The following HDAC9 variants were observed in gnomAD, a reference collection of about 807,000 sequenced individuals.
HDAC9 encodes the protein histone deacetylase 9.
In HDAC9, 41 loss-of-function variants were observed where a neutral mutation model predicts 139.4. The observed-to-expected ratio is 0.29, with a 90% CI of 0.23 to 0.38. The LOEUF (loss-of-function observed/expected upper bound fraction) is 0.38, where lower values mean the gene tolerates loss of function less well. HDAC9 is among the 10% of genes least tolerant of loss of function. The pLI, the probability that HDAC9 is intolerant of heterozygous loss-of-function variation, is 1.00. For missense variants in HDAC9, 1,147 were observed against 1,297.0 expected (o/e 0.88, Z 1.78); for synonymous variants, 517 against 476.2 (o/e 1.09, Z -1.12).
chr7:18,805,380 G>A (rs942368848), intron 17 of HDAC9, among the ~76,000 whole-genome samples: 5 of 152,170 alleles, frequency 3.3e-5, no homozygotes, highest in Non-Finnish European at 5.9e-5. Flanking sequence ...TGTAAAGATC[G>A]AGGAATACTC....
intron 2 of HDAC9, among the ~76,000 whole-genome samples, chr7:18,163,520 A>AT (rs1375262918): frequency 6.6e-6 from 1 of 152,098 alleles, no homozygotes; most frequent in African/African-American, 2.4e-5. Flanking sequence ...AGGAATTGTG[A>AT]TTTTTACAAG....
chr7:18,933,106 G>A (rs1052421833), intron 22 of HDAC9, among the ~76,000 whole-genome samples: 4 of 152,150 alleles, frequency 2.6e-5, no homozygotes, highest in African/African-American at 9.7e-5. Context: ...CAGTGTCTTA[G>A]TTCAGGCTGC....
Position 18,993,540 on chromosome 7 carries a change from C to G in HDAC9, c.3171-2483C>G, listed in dbSNP as rs577952136. ...ATTGAGGCTAGACATGGTGGCGTAC[C>G]CCTGTAGTCCCAGCATTTTGGAAGG... On this transcript the variant is annotated intron_variant, in intron 25 of 25. Transcript: ENST00000686413. Among the ~76,000 whole-genome samples the G allele has an allele frequency of 2.6e-5, 4 of 152,232 alleles. No homozygotes were observed. In the East Asian group the frequency reaches 7.7e-4, roughly 29 times the overall value.
At chr7:18,095,693 G>A (rs1782461059) in intron 1 of HDAC9, among the ~76,000 whole-genome samples, 1 of 152,134 alleles carries the variant, frequency 6.6e-6, no homozygotes, top group Admixed American at 6.6e-5. Flanking sequence ...AAATATGAAT[G>A]CTTTTGCTTA....
At chr7:18,910,830 CT>C (rs1802675969) in intron 22 of HDAC9, among the ~76,000 whole-genome samples, 1 of 151,742 alleles carries the variant, frequency 6.6e-6, no homozygotes, top group African/African-American at 2.4e-5. Context: ...TTTTAATATG[CT>C]TTTGTATTCA....
chr7:18,329,092 T>C (rs998177136), intron 1 of HDAC9, among the ~76,000 whole-genome samples: 1 of 151,776 alleles, frequency 6.6e-6, no homozygotes, highest in Admixed American at 6.6e-5. Context: ...TGTTGGTATA[T>C]AATAGTTTAT....
At chr7:18,427,975 A>G (rs145265457) in intron 1 of HDAC9, among the ~76,000 whole-genome samples, 4 of 152,246 alleles carry the variant, frequency 2.6e-5, no homozygotes, top group African/African-American at 4.8e-5. Flanking sequence ...TGTAAGTGGA[A>G]TCATGCAGTA....
At chr7:18,582,805 C>T (rs1286132241) in intron 2 of HDAC9, among the ~76,000 whole-genome samples, 1 of 152,098 alleles carries the variant, frequency 6.6e-6, no homozygotes, top group Non-Finnish European at 1.5e-5. Flanking sequence ...AAATATGTAA[C>T]ACTTCTTGAT....
At chr7:18,481,343 G>A (rs575266641) in intron 1 of HDAC9, among the ~76,000 whole-genome samples, 66 of 152,166 alleles carry the variant, frequency 4.3e-4, no homozygotes, top group Admixed American at 2.5e-3. Flanking sequence ...TCTCTGGAAC[G>A]CAATTATTGT....
In HDAC9 at chr7:18,835,910, G is replaced by T; in HGVS notation, c.2597G>T (p.Gly866Val). The T allele has an allele frequency of 6.4e-7, 1 of 1,556,130 alleles. No homozygotes were observed. Among genetic ancestry groups the T allele is most frequent in the Non-Finnish European group, 8.7e-7 (1 of 1,148,404 alleles). Residue 866 changes from glycine (G) to valine (V), a missense_variant, in exon 21 of 26, where the codon GGC (glycine) becomes GTC (valine). By Grantham distance (109) the Gly-to-Val change is moderately radical (BLOSUM62 -3). Coordinates refer to ENST00000686413, the MANE Select transcript of HDAC9 (RefSeq NM_178425.4). ...GSGAPNEVGT[G>V]LGEGYNINIA... Reference sequence around the variant, plus strand: ...TCTTTCTCTTCCCAGGTTGGAACAGGCCTTGGAGAAGGGTACAATATAAAT... The same window carrying T: ...TCTTTCTCTTCCCAGGTTGGAACAGTCCTTGGAGAAGGGTACAATATAAAT...
At chr7:18,227,490 AT>A (rs556655463) in intron 2 of HDAC9, among the ~76,000 whole-genome samples, 1,728 of 148,294 alleles carry the variant, frequency 0.012, 20 homozygotes, top group Non-Finnish European at 0.018. Context: ...TTGCACAGCA[AT>A]TTTTTTTTTT....
At chr7:18,422,934 C>A (rs1164776895) in intron 1 of HDAC9, among the ~76,000 whole-genome samples, 1 of 152,154 alleles carries the variant, frequency 6.6e-6, no homozygotes, top group East Asian at 1.9e-4. Context: ...CTTTCAATCT[C>A]ATAGTCCAAG....
rs777973786 is a variant in HDAC9, at chr7:18,087,467, A to G, written c.-97+254A>G. ...GCAGACCCTGACATTTGGCTAGGCA[A>G]ACTGAGGCGAGCGGTCGGTGGCGTG... On this transcript the variant is annotated intron_variant, in intron 1 of 12. Transcript: ENST00000417496. Among the ~76,000 whole-genome samples, 3 of 152,144 alleles carry G rather than the reference A, an allele frequency of 2.0e-5. 1 individual carries two copies. Among genetic ancestry groups the G allele is most frequent in the Admixed American group, 2.0e-4 (3 of 15,278 alleles).
At chr7:18,852,567 T>C (rs1797380661) in intron 21 of HDAC9, among the ~76,000 whole-genome samples, 1 of 152,212 alleles carries the variant, frequency 6.6e-6, no homozygotes, top group African/African-American at 2.4e-5. Flanking sequence ...CTTTGAAAAT[T>C]AAGATTCATT....
intron 2 of HDAC9, among the ~76,000 whole-genome samples, chr7:18,217,423 C>T (rs540203978): frequency 6.7e-6 from 1 of 149,988 alleles, no homozygotes; most frequent in African/African-American, 2.4e-5. Context: ...ATTTTTTCCT[C>T]TTGCTTTCCT....
chr7:18,829,080 G>T (rs763869956), intron 17 of HDAC9, 81 bp from the exon 18 acceptor site: 1 of 953,970 alleles, frequency 1.0e-6, no homozygotes, highest in African/African-American at 1.6e-5. Flanking sequence ...CTGAGGCACT[G>T]TTGTGCCTGG....
In HDAC9 at chr7:18,667,989, C is replaced by T. The variant is rs140676307; in HGVS notation, c.1731+1513C>T. On this transcript the variant is annotated intron_variant, in intron 12 of 25. Transcript: ENST00000686413. The stretch of plus-strand genomic sequence containing the variant: ...ATTAAAATATTTATATTTCTAAATC[C>T]GAGGTATTTCAAGGTGTAGTATCCT... 1.8e-3 allele frequency: 1,707 copies of T among 970,558 alleles called. 10 individuals are homozygous for T. Among genetic ancestry groups the T allele is most frequent in the Admixed American group, 9.6e-3 (155 of 16,194 alleles). 60.1% of individuals were successfully genotyped at this position (970,558 alleles called of 1,614,324 possible).
chr7:18,345,676 A>G (rs1782358042), intron 1 of HDAC9, among the ~76,000 whole-genome samples: 2 of 151,812 alleles, frequency 1.3e-5, no homozygotes, highest in Admixed American at 1.3e-4. Flanking sequence ...TGTTTCTCAC[A>G]GGTGGATGAG....
chr7:18,728,340 G>T (rs1785727448), intron 13 of HDAC9, among the ~76,000 whole-genome samples: 1 of 150,896 alleles, frequency 6.6e-6, no homozygotes, highest in Non-Finnish European at 1.5e-5. Context: ...TGATATTTCA[G>T]AACCTGACTA....
Sources: gnomAD v4.1 joint callset for allele counts (sites outside exome capture counted in the v4.1 genomes callset) on GRCh38, gnomAD v4.1.1 for gene constraint, MANE v1.5 for transcripts, NCBI Gene and HGNC (gene_info 2026-07-23, HGNC 2026-07-21) for gene names.